The following TRIT1 variants were observed in gnomAD, a reference collection of about 807,000 sequenced individuals.
The protein encoded by TRIT1 is tRNA dimethylallyltransferase.
Under a neutral mutation model 51.2 loss-of-function variants are expected in TRIT1, and 43 were observed. The ratio of observed to expected loss-of-function variants is 0.84; its 90% CI spans 0.66 to 1.08. The LOEUF (loss-of-function observed/expected upper bound fraction) is 1.08, where lower values mean the gene tolerates loss of function less well. Among genes scored for constraint, TRIT1 ranks in the 50% least tolerant of loss-of-function variants. The probability of loss-of-function intolerance (pLI) is 0.00; values close to 1 mark genes in which losing one functional copy is unlikely to be tolerated. For synonymous variants in TRIT1, 184 were observed against 203.9 expected, an observed-to-expected ratio of 0.90 and a Z score of 0.83; for missense variants, 528 against 578.4, an observed-to-expected ratio of 0.91 and a Z score of 0.89.
At chr1:39,857,550 T>G in intron 1 of TRIT1, 133 bp from the exon 2 acceptor site, 1 of 964,508 alleles carries the variant, frequency 1.0e-6, no homozygotes, top group South Asian at 1.8e-5. Context: ...GGTAGATGTA[T>G]TCTAACAAAC....
chr1:39,850,447 G>C (rs538266313), intron 4 of TRIT1, among the ~76,000 whole-genome samples, 186 bp from the exon 5 acceptor site: 1 of 152,126 alleles, frequency 6.6e-6, no homozygotes, highest in Non-Finnish European at 1.5e-5. Flanking sequence ...GACTGCTTGA[G>C]CTCAGGAGTT....
At chr1:39,876,168 T>C (rs542022704) in intron 1 of TRIT1, 50 of 152,298 alleles carry the variant, frequency 3.3e-4, no homozygotes, top group Admixed American at 1.9e-3. Flanking sequence ...CATTAAATCA[T>C]AATGGAGCAC....
intron 1 of TRIT1, among the ~76,000 whole-genome samples, chr1:39,858,971 G>A (rs1328868535): frequency 6.6e-6 from 1 of 152,046 alleles, no homozygotes; most frequent in Non-Finnish European, 1.5e-5. Context: ...CTAAAGGGGA[G>A]GCCGGACGCA....
chr1:39,845,958 G>A (rs887813808), intron 8 of TRIT1, among the ~76,000 whole-genome samples: 4 of 152,174 alleles, frequency 2.6e-5, no homozygotes, highest in Admixed American at 2.6e-4. Context: ...CAGAGATGGA[G>A]GAATTATTGT....
chr1:39,857,253 A>C (rs1370038949), intron 2 of TRIT1, 24 bp downstream of exon 2: 1 of 1,585,416 alleles, frequency 6.3e-7, no homozygotes, highest in Non-Finnish European at 8.6e-7. Flanking sequence ...CACCAAACCC[A>C]GCTGCTGCCT....
chr1:39,868,043 C>G (rs1430176615), intron 1 of TRIT1, among the ~76,000 whole-genome samples: 2 of 151,650 alleles, frequency 1.3e-5, no homozygotes. Context: ...CTCCCGGGTT[C>G]ATGCCATTCT....
chr1:39,853,667 C>A (rs1045271052), intron 3 of TRIT1, among the ~76,000 whole-genome samples: 4 of 152,198 alleles, frequency 2.6e-5, no homozygotes, highest in African/African-American at 9.7e-5. Flanking sequence ...CCACCTTGGC[C>A]TCCCAAAGTG....
At chr1:39,873,820 T>TC (rs779802945) in intron 1 of TRIT1, among the ~76,000 whole-genome samples, 71 of 152,046 alleles carry the variant, frequency 4.7e-4, no homozygotes, top group Non-Finnish European at 9.1e-4. Flanking sequence ...GGTCGGGAGT[T>TC]CGAGACCAGC....
chr1:39,869,227 C>T (rs1305871416), intron 1 of TRIT1, among the ~76,000 whole-genome samples: 3 of 152,148 alleles, frequency 2.0e-5, no homozygotes, highest in African/African-American at 7.2e-5. Flanking sequence ...TTCAGCCTGC[C>T]GAGTGCCTGG....
chr1:39,870,449 T>C lies in TRIT1; in HGVS notation c.174+12869A>G, dbSNP rs1570107927. On this transcript the variant is annotated intron_variant, in intron 1 of 10. Coordinates refer to ENST00000316891, the MANE Select transcript of TRIT1 (RefSeq NM_017646.6). ...GTTTATCTGCTGACCTTCCCTCCACTATTGTCCTATGACCCTGCCAAATCC... is the reference window on the plus strand; with the variant it reads ...GTTTATCTGCTGACCTTCCCTCCACCATTGTCCTATGACCCTGCCAAATCC... Among the ~76,000 whole-genome samples, 3 of 145,686 alleles carry C rather than the reference T, an allele frequency of 2.1e-5. No homozygotes were observed. In the East Asian group the frequency reaches 6.0e-4, roughly 29 times the overall value.
chr1:39,854,743 T>C (rs900932576), intron 2 of TRIT1, among the ~76,000 whole-genome samples: 1 of 152,224 alleles, frequency 6.6e-6, no homozygotes, highest in Non-Finnish European at 1.5e-5. Flanking sequence ...CAATTTACTA[T>C]AGCCACTATT....
In TRIT1 at chr1:39,838,472, GT is replaced by G. The variant is rs1471253496; in HGVS notation, c.*3271del. On this transcript the variant is annotated 3_prime_UTR_variant, in exon 11 of 11. Coordinates refer to ENST00000316891, the MANE Select transcript of TRIT1 (RefSeq NM_017646.6). ...GTGTGTTTGGGGGAGGGGGTTGTTA[GT>G]TTTATTTTCTTTTTGAGCAACATGG... 6.6e-6 allele frequency among the ~76,000 whole-genome samples: 1 copy of G among 151,858 alleles called. No individual in the cohort carries two copies. Among genetic ancestry groups the G allele is most frequent in the Non-Finnish European group, 1.5e-5 (1 of 67,956 alleles).
In TRIT1 at chr1:39,852,717, C is replaced by T. The variant is rs769567931; in HGVS notation, c.560+14G>A. On this transcript the variant is annotated intron_variant, in intron 4 of 10. Coordinates refer to ENST00000316891, the MANE Select transcript of TRIT1 (RefSeq NM_017646.6). ...TGTAAAGGAATTTGGGGTCAGCGCG[C>T]CAGGCTTTCTTACCTGGCCACTTTG... The T allele has an allele frequency of 6.2e-7, 1 of 1,612,146 alleles. No individual in the cohort carries two copies. Among genetic ancestry groups the T allele is most frequent in the Non-Finnish European group, 8.5e-7 (1 of 1,179,220 alleles).
At chr1:39,860,684 A>T (rs1643184978) in intron 1 of TRIT1, among the ~76,000 whole-genome samples, 1 of 152,198 alleles carries the variant, frequency 6.6e-6, no homozygotes, top group Non-Finnish European at 1.5e-5. Flanking sequence ...AGATTGGCCA[A>T]GTGTTCATAA....
intron 1 of TRIT1, chr1:39,881,423 GT>G: frequency 6.6e-6 from 1 of 152,140 alleles, no homozygotes; most frequent in Admixed American, 6.5e-5. Flanking sequence ...ACAAATGAAT[GT>G]TCCTTACACA....
In TRIT1 at chr1:39,838,667, T is replaced by C. The variant is rs1652465348; in HGVS notation, c.*3077A>G. ...ACATATATATATATGTAAGTATGTA[T>C]GTATGTATATATTTGTGCTGACTGG... On this transcript the variant is annotated 3_prime_UTR_variant, in exon 11 of 11. Transcript: ENST00000316891. Among the ~76,000 whole-genome samples, 1 of 152,140 alleles carries C rather than the reference T, an allele frequency of 6.6e-6. No homozygotes were observed. Among genetic ancestry groups the C allele is most frequent in the African/African-American group, 2.4e-5 (1 of 41,426 alleles).
chr1:39,872,550 A>AG (rs897793538), intron 1 of TRIT1, among the ~76,000 whole-genome samples: 4 of 152,144 alleles, frequency 2.6e-5, no homozygotes, highest in African/African-American at 7.2e-5. Context: ...CAAATAAGCA[A>AG]GGGGGGAAGA....
chr1:39,882,774 A>G (rs1644303812), intron 1 of TRIT1, among the ~76,000 whole-genome samples: 1 of 152,194 alleles, frequency 6.6e-6, no homozygotes, highest in African/African-American at 2.4e-5. Context: ...TAACGTCCAA[A>G]TAAACGACAT....
At chr1:39,873,986 G>C (rs952348599) in intron 1 of TRIT1, among the ~76,000 whole-genome samples, 5 of 152,030 alleles carry the variant, frequency 3.3e-5, no homozygotes, top group Admixed American at 6.6e-5. Flanking sequence ...TTGCACTCCA[G>C]CCTGGGCAAC....
Sources: gnomAD v4.1 joint callset for allele counts (sites outside exome capture counted in the v4.1 genomes callset) on GRCh38, gnomAD v4.1.1 for gene constraint, MANE v1.5 for transcripts, NCBI Gene and HGNC (gene_info 2026-07-23, HGNC 2026-07-21) for gene names.